The following PCDHGB2 variants were observed in gnomAD, a reference collection of about 807,000 sequenced individuals.
PCDHGB2 encodes protocadherin gamma-B2.
Under a neutral mutation model 59.3 loss-of-function variants are expected in PCDHGB2, and 55 were observed. The observed-to-expected ratio is 0.93, with a 90% CI of 0.75 to 1.16. The LOEUF (loss-of-function observed/expected upper bound fraction) is 1.16. Among genes scored for constraint, PCDHGB2 ranks in the 50% most tolerant of loss-of-function variants. PCDHGB2 has a pLI of 0.00. For synonymous variants in PCDHGB2, 516 were observed against 512.0 expected (o/e 1.01, Z -0.11); for missense variants, 1,228 against 1,198.5 (o/e 1.02, Z -0.36).
chr5:141,381,625 G>C (rs1460922523), intron 1 of PCDHGB2, among the ~76,000 whole-genome samples: 1 of 152,172 alleles, frequency 6.6e-6, no homozygotes, highest in Non-Finnish European at 1.5e-5. Context: ...TAGGATCTCT[G>C]CAGATTTCTG....
intron 1 of PCDHGB2, among the ~76,000 whole-genome samples, chr5:141,494,199 G>A (rs1033914239): frequency 1.3e-5 from 2 of 152,160 alleles, no homozygotes; most frequent in South Asian, 2.1e-4. Context: ...TGGATGCCCC[G>A]CAAAGGCCCA....
chr5:141,429,395 A>T (rs545207705), intron 1 of PCDHGB2, among the ~76,000 whole-genome samples: 166 of 152,126 alleles, frequency 1.1e-3, no homozygotes, highest in African/African-American at 3.8e-3. Flanking sequence ...TTTAAAAAAA[A>T]TTGAGATTAA....
At chr5:141,438,571 TATACATACATAC>T (rs1212381177) in intron 1 of PCDHGB2, among the ~76,000 whole-genome samples, 4 of 94,544 alleles carry the variant, frequency 4.2e-5, no homozygotes, top group African/African-American at 9.7e-5. Context: ...AGCTGTCTGA[TATACATACATAC>T]ATACATACAT....
rs755837851 is a variant in PCDHGB2, at chr5:141,376,241, C to G, written c.2421+13685C>G. On this transcript the variant is annotated intron_variant, in intron 1 of 3. Coordinates refer to ENST00000522605, the MANE Select transcript of PCDHGB2 (RefSeq NM_018923.3). ...GCTGGCGCTCAGACTGCAGCGCTGG[C>G]ACAAGTCACGCCTGCTGCAGGCTTC... 1.9e-6 allele frequency: 3 copies of G among 1,614,236 alleles called. No homozygotes were observed. The South Asian group carries it at 3.3e-5, about 18-fold the overall frequency.
intron 1 of PCDHGB2, among the ~76,000 whole-genome samples, chr5:141,438,349 C>G (rs892834423): frequency 6.6e-6 from 1 of 151,762 alleles, no homozygotes; most frequent in Non-Finnish European, 1.5e-5. Flanking sequence ...AGGATCTACT[C>G]TGTGTATTGT....
At position 141,361,713 on chromosome 5, in the gene PCDHGB2, C is replaced by T. The variant is rs747794210; in HGVS notation, c.1578C>T (p.Arg526=). The change falls in exon 1 of 4, where the codon CGC becomes CGT. Residue 526 remains arginine, a synonymous_variant. Transcript: ENST00000522605. Reference sequence around the variant, plus strand: ...GCGCCTTCGATCATGAGCAGCTGCGCGCCTTCGAGCTCACACTGCAGGCCC... The same window carrying T: ...GCGCCTTCGATCATGAGCAGCTGCGTGCCTTCGAGCTCACACTGCAGGCCC... ...AQRAFDHEQL[R]AFELTLQARD... is the part of the protein sequence containing the mutation. 1 of 1,613,286 alleles carries T rather than the reference C, an allele frequency of 6.2e-7. No homozygotes were observed. The highest frequency in any genetic ancestry group is 1.3e-5 in the African/African-American group (1 of 74,946).
chr5:141,434,455 G>A (rs2097695575), intron 1 of PCDHGB2, among the ~76,000 whole-genome samples: 1 of 152,192 alleles, frequency 6.6e-6, no homozygotes, highest in Admixed American at 6.5e-5. Context: ...GAAGGTAGTG[G>A]GTTTACCGGA....
chr5:141,410,023 C>T (rs1172248089), intron 1 of PCDHGB2: 1 of 1,613,310 alleles, frequency 6.2e-7, no homozygotes, highest in South Asian at 1.1e-5. Flanking sequence ...TGTCCTACCA[C>T]GTGCTGCAGG....
intron 1 of PCDHGB2, chr5:141,419,680 C>T (rs757026598): frequency 9.3e-6 from 15 of 1,612,946 alleles, no homozygotes; most frequent in Non-Finnish European, 1.3e-5. Flanking sequence ...TGTCCTACCA[C>T]GTGGTGCAGG....
At chr5:141,371,849 C>A (rs1323132095) in intron 1 of PCDHGB2, 1 of 1,613,660 alleles carries the variant, frequency 6.2e-7, no homozygotes, top group East Asian at 2.2e-5. Flanking sequence ...GACCTAATGG[C>A]CTTGTCTCCT....
intron 1 of PCDHGB2, among the ~76,000 whole-genome samples, chr5:141,470,825 C>A (rs557419577): frequency 6.6e-6 from 1 of 152,182 alleles, no homozygotes; most frequent in Admixed American, 6.5e-5. Context: ...GTAGTTAGGA[C>A]GACAAACACA....
chr5:141,421,397 C>T, intron 1 of PCDHGB2: 1 of 1,614,030 alleles, frequency 6.2e-7, no homozygotes, highest in Non-Finnish European at 8.5e-7. Context: ...GGGCTGGAGC[C>T]CCGGGAGCTG....
intron 1 of PCDHGB2, among the ~76,000 whole-genome samples, chr5:141,381,922 C>A (rs1777762962): frequency 6.9e-6 from 1 of 145,556 alleles, no homozygotes. Context: ...CTCCACCTCC[C>A]GGGTTCAAGC....
At chr5:141,403,163 A>G (rs1357883715) in intron 1 of PCDHGB2, 1 of 1,614,052 alleles carries the variant, frequency 6.2e-7, no homozygotes, top group Admixed American at 1.7e-5. Context: ...CTCTAGAGGT[A>G]GGACGCAGCT....
chr5:141,421,174 C>T (rs2096550677), intron 1 of PCDHGB2: 2 of 1,378,742 alleles, frequency 1.5e-6, no homozygotes, highest in Non-Finnish European at 1.9e-6. Flanking sequence ...ATACATAAGC[C>T]GATTCACAAC....
chr5:141,419,451 C>T (rs747887064), intron 1 of PCDHGB2: 2 of 1,612,796 alleles, frequency 1.2e-6, no homozygotes, highest in Non-Finnish European at 8.5e-7. Flanking sequence ...TTCGAGCTCA[C>T]GCTGCAGGCC....
At position 141,372,595 on chromosome 5, in the gene PCDHGB2, A is replaced by G; in HGVS notation, c.2421+10039A>G. The G allele has an allele frequency of 6.2e-7, 1 of 1,614,012 alleles. No individual in the cohort carries two copies. Among genetic ancestry groups the G allele is most frequent in the Non-Finnish European group, 8.5e-7 (1 of 1,179,882 alleles). On this transcript the variant is annotated intron_variant, in intron 1 of 3. Coordinates refer to ENST00000522605, the MANE Select transcript of PCDHGB2 (RefSeq NM_018923.3). ...TACTTTCAGCCTGGTGTCTGCTTCA[A>G]GACTGTACCTGGAGTTCTCCCCACC... is the stretch of plus-strand genomic sequence containing the variant.
At chr5:141,478,137 G>C (rs762316494) in intron 1 of PCDHGB2, 1 of 1,613,872 alleles carries the variant, frequency 6.2e-7, no homozygotes, top group South Asian at 1.1e-5. Context: ...CCTGAAGCCC[G>C]AGCCGAGTTC....
Position 141,360,906 on chromosome 5 carries a change from G to C in PCDHGB2, c.771G>C (p.Pro257=), listed in dbSNP as rs781720353. The change falls in exon 1 of 4, where the codon CCG becomes CCC. Residue 257 remains proline (P), a synonymous_variant. Transcript: ENST00000522605. ...TCACCCTGAGGGAGGACGTGCCGCC[G>C]GGCTTCTTTGTGCTTCAAGTGACAG... The part of the protein sequence containing the change: ...YRVTLREDVP[P]GFFVLQVTAT... 3.1e-6 allele frequency: 5 copies of C among 1,613,894 alleles called. No homozygotes were observed. In the African/African-American group the frequency reaches 6.7e-5, roughly 22 times the overall value.
Sources: gnomAD v4.1 joint callset for allele counts (sites outside exome capture counted in the v4.1 genomes callset) on GRCh38, gnomAD v4.1.1 for gene constraint, MANE v1.5 for transcripts, NCBI Gene and HGNC (gene_info 2026-07-23, HGNC 2026-07-21) for gene names.